The following MYO3B variants were observed in gnomAD, a reference collection of about 807,000 sequenced individuals.
MYO3B encodes the protein myosin-IIIb.
A neutral mutation model predicts 174.6 loss-of-function variants in MYO3B; 156 were observed. The observed-to-expected ratio is 0.89, with a 90% CI of 0.78 to 1.02. The LOEUF (loss-of-function observed/expected upper bound fraction) is 1.02, where lower values mean the gene tolerates loss of function less well. Among genes scored for constraint, MYO3B ranks in the 50% least tolerant of loss-of-function variants. The probability of loss-of-function intolerance (pLI) is 0.00; values close to 1 mark genes in which losing one functional copy is unlikely to be tolerated. For synonymous variants in MYO3B, 563 were observed against 569.1 expected, an observed-to-expected ratio of 0.99 and a Z score of 0.15; for missense variants, 1,632 against 1,639.4, an observed-to-expected ratio of 1.00 and a Z score of 0.08.
chr2:170,186,342 G>A (rs924657698), intron 1 of MYO3B, among the ~76,000 whole-genome samples: 4 of 152,056 alleles, frequency 2.6e-5, no homozygotes, highest in African/African-American at 4.8e-5. Context: ...GTGATGTTGA[G>A]TTTTATCAAA....
intron 32 of MYO3B, among the ~76,000 whole-genome samples, chr2:170,557,210 G>A (rs1299864708): frequency 6.6e-6 from 1 of 151,250 alleles, no homozygotes; most frequent in Non-Finnish European, 1.5e-5. Context: ...CACGATCTCG[G>A]CTCACTGCAA....
At chr2:170,353,758 T>C (rs2094097167) in intron 8 of MYO3B, among the ~76,000 whole-genome samples, 1 of 152,236 alleles carries the variant, frequency 6.6e-6, no homozygotes, top group East Asian at 1.9e-4. Context: ...ACAAATTCTC[T>C]GCATGCTACT....
chr2:170,595,635 C>T (rs868096235), intron 32 of MYO3B, among the ~76,000 whole-genome samples: 1 of 151,992 alleles, frequency 6.6e-6, no homozygotes, highest in South Asian at 2.1e-4. Flanking sequence ...GATGGGGTCT[C>T]GTCATGTTGC....
rs1479422377 is a variant in MYO3B at position 170,345,503 on chromosome 2, G to A, written c.815+10053G>A. On this transcript the variant is annotated intron_variant, in intron 8 of 34. Coordinates refer to ENST00000408978, the MANE Select transcript of MYO3B (RefSeq NM_138995.5). ...TTCATAATTTATTTTTAGTATGAAG[G>A]GCTATTTAATGATTTTTTGAAATAA... is the stretch of plus-strand genomic sequence containing the variant. Among the ~76,000 whole-genome samples the A allele has an allele frequency of 4.6e-5, 7 of 152,016 alleles. No homozygotes were observed. In the East Asian group the frequency reaches 1.2e-3, roughly 25 times the overall value.
intron 32 of MYO3B, among the ~76,000 whole-genome samples, chr2:170,545,502 A>G (rs1222163992): frequency 6.6e-6 from 1 of 152,236 alleles, no homozygotes; most frequent in Non-Finnish European, 1.5e-5. Context: ...TACTAGGTAG[A>G]GAAATAAAGT....
chr2:170,514,209 A>G (rs1037604415), intron 28 of MYO3B, among the ~76,000 whole-genome samples: 8 of 152,228 alleles, frequency 5.3e-5, no homozygotes, highest in African/African-American at 1.4e-4. Context: ...ATGTTGGAAC[A>G]TCTTCAGCCG....
intron 7 of MYO3B, among the ~76,000 whole-genome samples, chr2:170,265,352 C>G (rs570505811): frequency 6.6e-6 from 1 of 152,336 alleles, no homozygotes; most frequent in East Asian, 1.9e-4. Flanking sequence ...AAAGAAAGCA[C>G]TCTTTTATAT....
intron 22 of MYO3B, among the ~76,000 whole-genome samples, chr2:170,408,830 C>CT (rs528134513): frequency 1.4e-4 from 22 of 151,890 alleles, no homozygotes; most frequent in Admixed American, 3.9e-4. Flanking sequence ...AAATCCGGCT[C>CT]TTTTTTCAGA....
chr2:170,387,442 G>A, intron 14 of MYO3B, 134 bp downstream of exon 14: 1 of 819,650 alleles, frequency 1.2e-6, no homozygotes, highest in Admixed American at 2.7e-5. Flanking sequence ...AATTATTTAA[G>A]CAAAGGATCA....
intron 32 of MYO3B, among the ~76,000 whole-genome samples, chr2:170,547,613 C>G (rs1690610342): frequency 6.6e-6 from 1 of 152,132 alleles, no homozygotes; most frequent in Non-Finnish European, 1.5e-5. Flanking sequence ...CAGTATTTCT[C>G]AAAACTTTTA....
intron 30 of MYO3B, among the ~76,000 whole-genome samples, chr2:170,521,134 A>T (rs1292551915): frequency 6.6e-6 from 1 of 152,194 alleles, no homozygotes; most frequent in East Asian, 1.9e-4. Context: ...TTATTTTGTG[A>T]GATCGCTTAA....
intron 25 of MYO3B, among the ~76,000 whole-genome samples, chr2:170,489,587 C>G (rs910555433): frequency 1.3e-5 from 2 of 151,564 alleles, no homozygotes; most frequent in Non-Finnish European, 2.9e-5. Flanking sequence ...CCACAGTTTA[C>G]CTACATGAGA....
intron 1 of MYO3B, among the ~76,000 whole-genome samples, chr2:170,193,675 AT>A (rs1420260566): frequency 1.3e-5 from 2 of 152,072 alleles, no homozygotes; most frequent in African/African-American, 4.8e-5. Context: ...CTTATAGTCT[AT>A]TTTTAGGTCT....
At chr2:170,404,145 A>G (rs1439008223) in intron 19 of MYO3B, 102 bp from the exon 20 acceptor site, 16 of 1,131,774 alleles carry the variant, frequency 1.4e-5, no homozygotes, top group Non-Finnish European at 2.0e-5. Context: ...TGCTTTCCAC[A>G]TGCATTCAAT....
intron 32 of MYO3B, among the ~76,000 whole-genome samples, chr2:170,649,034 T>C (rs1241124480): frequency 7.6e-5 from 6 of 78,822 alleles, no homozygotes; most frequent in Admixed American, 4.6e-4. Flanking sequence ...TATAAAATAA[T>C]ATATAATGTA....
chr2:170,314,251 G>A (rs766163135), intron 7 of MYO3B, among the ~76,000 whole-genome samples: 5 of 152,122 alleles, frequency 3.3e-5, no homozygotes, highest in Admixed American at 6.5e-5. Context: ...TTTCCTGTAT[G>A]AGGGCAAAAT....
At chr2:170,474,785 G>C (rs150331169) in intron 25 of MYO3B, among the ~76,000 whole-genome samples, 663 of 52,230 alleles carry the variant, frequency 0.013, 4 homozygotes, top group African/African-American at 0.038. Flanking sequence ...AAAAAAAAAA[G>C]ATAGGCATCC....
chr2:170,325,369 G>A (rs1345427235), intron 7 of MYO3B, among the ~76,000 whole-genome samples: 9 of 151,950 alleles, frequency 5.9e-5, no homozygotes, highest in Non-Finnish European at 1.2e-4. Flanking sequence ...CACCATGTCC[G>A]GCTAATTTTT....
At chr2:170,189,396 C>A (rs1051866857) in intron 1 of MYO3B, among the ~76,000 whole-genome samples, 1 of 151,950 alleles carries the variant, frequency 6.6e-6, no homozygotes, top group African/African-American at 2.4e-5. Flanking sequence ...TGTTATCATC[C>A]CTTTGAATAA....
Sources: gnomAD v4.1 joint callset for allele counts (sites outside exome capture counted in the v4.1 genomes callset) on GRCh38, gnomAD v4.1.1 for gene constraint, MANE v1.5 for transcripts, NCBI Gene and HGNC (gene_info 2026-07-23, HGNC 2026-07-21) for gene names.